The following PIAS2 variants were observed in gnomAD, a reference collection of about 807,000 sequenced individuals.
The protein encoded by PIAS2 is E3 SUMO-protein ligase PIAS2.
Under a neutral mutation model 69.7 loss-of-function variants are expected in PIAS2, and 19 were observed. The observed-to-expected ratio is 0.27, with a 90% CI of 0.19 to 0.40. The LOEUF is 0.40. Among genes scored for constraint, PIAS2 ranks in the 10% least tolerant of loss-of-function variants. The pLI is 1.00. For missense variants in PIAS2, 624 were observed against 757.0 expected (o/e 0.82, Z 2.06); for synonymous variants, 261 against 263.2 (o/e 0.99, Z 0.08).
At chr18:46,873,041 A>T (rs1346068266) in intron 2 of PIAS2, among the ~76,000 whole-genome samples, 1 of 152,206 alleles carries the variant, frequency 6.6e-6, no homozygotes, top group East Asian at 1.9e-4. Context: ...CTTTGTATCA[A>T]AAGTTTTTGA....
At chr18:46,823,193 A>G (rs1310718676) in intron 11 of PIAS2, among the ~76,000 whole-genome samples, 1 of 151,884 alleles carries the variant, frequency 6.6e-6, no homozygotes, top group Non-Finnish European at 1.5e-5. Flanking sequence ...TGAATGCTCC[A>G]CTGCACTCTA....
At chr18:46,919,007 A>ATATATG (rs550181494), upstream of PIAS2, among the ~76,000 whole-genome samples, 73 of 143,310 alleles carry the variant, frequency 5.1e-4, no homozygotes, top group African/African-American at 1.7e-3. Context: ...ATATATATAT[A>ATATATG]TGTGTGTGTG....
chr18:46,860,804 C>T (rs2048540279), intron 3 of PIAS2, among the ~76,000 whole-genome samples: 1 of 152,034 alleles, frequency 6.6e-6, no homozygotes, highest in South Asian at 2.1e-4. Flanking sequence ...CTGTGAGACC[C>T]CATCTCTATA....
intron 12 of PIAS2, 121 bp downstream of exon 12, chr18:46,820,812 A>G: frequency 1.2e-6 from 1 of 802,878 alleles, no homozygotes; most frequent in South Asian, 2.1e-5. Context: ...CTTTACCCGA[A>G]GCTTTCAAAT....
chr18:46,878,817 G>A (rs368674753), intron 2 of PIAS2, among the ~76,000 whole-genome samples: 4 of 152,210 alleles, frequency 2.6e-5, no homozygotes, highest in African/African-American at 9.7e-5. Flanking sequence ...GCAGTGAGCG[G>A]AGATCACACC....
intron 2 of PIAS2, 110 bp downstream of exon 2, chr18:46,890,470 A>T (rs1204393461): frequency 4.3e-6 from 3 of 691,346 alleles, no homozygotes; most frequent in African/African-American, 3.6e-5. Flanking sequence ...AACATTCGGC[A>T]TTGATGCCTC....
chr18:46,863,193 T>A (rs1308832843), intron 3 of PIAS2, among the ~76,000 whole-genome samples: 2 of 152,188 alleles, frequency 1.3e-5, no homozygotes, highest in Admixed American at 1.3e-4. Context: ...TACCTCAGTT[T>A]ATGTTCTTAT....
intron 8 of PIAS2, among the ~76,000 whole-genome samples, chr18:46,840,311 T>C (rs967199239): frequency 6.6e-6 from 1 of 152,202 alleles, no homozygotes; most frequent in Non-Finnish European, 1.5e-5. Flanking sequence ...ATCAGAGCAA[T>C]GACATCATCA....
chr18:46,844,850 A>G lies in PIAS2; in HGVS notation c.862-11T>C. On this transcript the variant is annotated splice_polypyrimidine_tract_variant and intron_variant, in intron 6 of 13. Coordinates refer to ENST00000585916, the MANE Select transcript of PIAS2 (RefSeq NM_004671.5). ...AGACATAGAGTAATTCTACAAACAAACAAAAAAAACCTGCATTAAAGATGA... is the reference window on the plus strand; with the variant it reads ...AGACATAGAGTAATTCTACAAACAAGCAAAAAAAACCTGCATTAAAGATGA... The G allele has an allele frequency of 1.7e-6, 2 of 1,188,100 alleles. No homozygotes were observed. Among genetic ancestry groups the G allele is most frequent in the Non-Finnish European group, 2.3e-6 (2 of 857,304 alleles). The allele number at this position is 1,188,100 out of a possible 1,614,324, so 73.6% of individuals were successfully genotyped here.
chr18:46,916,944 G>C, intron 1 of PIAS2: 1 of 985,572 alleles, frequency 1.0e-6, no homozygotes, highest in Non-Finnish European at 1.2e-6. Context: ...AATAGCCACA[G>C]ACACGTACAC....
intron 2 of PIAS2, among the ~76,000 whole-genome samples, chr18:46,875,939 C>T (rs1024980917): frequency 1.3e-5 from 2 of 152,186 alleles, no homozygotes; most frequent in South Asian, 2.1e-4. Flanking sequence ...CCCTGAAGTT[C>T]GGCACCCTAT....
intron 1 of PIAS2, chr18:46,915,567 G>C (rs2057731064): frequency 1.3e-5 from 2 of 152,106 alleles, no homozygotes; most frequent in Admixed American, 6.5e-5. Flanking sequence ...CAGGAAAAGA[G>C]GATGAAGCTG....
chr18:46,896,364 CA>C (rs545690925), intron 1 of PIAS2, among the ~76,000 whole-genome samples: 33 of 151,722 alleles, frequency 2.2e-4, no homozygotes, highest in Admixed American at 2.0e-3. Flanking sequence ...TAGAAAAATA[CA>C]AATTACTCCA....
rs2040741234 is a variant in PIAS2 at position 46,807,368 on chromosome 18, TATATATA to T, written c.*5058_*5064del. On this transcript the variant is annotated 3_prime_UTR_variant, in exon 14 of 14. Coordinates refer to ENST00000585916, the MANE Select transcript of PIAS2 (RefSeq NM_004671.5). ...ACATGTCAGATTTTATATATATATATATATATATATATATATTTTTTTTTTTTTTTTT... is the reference window on the plus strand; with the variant it reads ...ACATGTCAGATTTTATATATATATATTATATATATTTTTTTTTTTTTTTTT... The T allele has an allele frequency of 3.6e-5, 1 of 27,626 alleles. No homozygotes were observed. The highest frequency in any genetic ancestry group is 2.5e-4 in the African/African-American group (1 of 3,960). 1.7% of individuals were successfully genotyped at this position (27,626 alleles called of 1,614,324 possible).
chr18:46,861,945 T>C (rs1294495858), intron 3 of PIAS2, among the ~76,000 whole-genome samples: 1 of 152,154 alleles, frequency 6.6e-6, no homozygotes, highest in African/African-American at 2.4e-5. Flanking sequence ...CATTGTACTA[T>C]GGTGATATAA....
At chr18:46,841,612 C>A (rs2045397287) in intron 8 of PIAS2, among the ~76,000 whole-genome samples, 1 of 152,070 alleles carries the variant, frequency 6.6e-6, no homozygotes, top group African/African-American at 2.4e-5. Flanking sequence ...GTTTAGCTAC[C>A]CAACTTTATG....
At chr18:46,828,664 A>G (rs1457402517) in intron 10 of PIAS2, among the ~76,000 whole-genome samples, 2 of 152,218 alleles carry the variant, frequency 1.3e-5, no homozygotes, top group South Asian at 2.1e-4. Flanking sequence ...TCATCTTGAT[A>G]AGTTGAAAAA....
rs2041035210 is a variant in PIAS2 at position 46,812,054 on chromosome 18, A to C, written c.*379T>G. On this transcript the variant is annotated 3_prime_UTR_variant, in exon 14 of 14. Coordinates refer to ENST00000585916, the MANE Select transcript of PIAS2 (RefSeq NM_004671.5). ...CTGTCATTCTAGAATCAGTGATTAC[A>C]ATTTTTTTTTTAATTAGAAAAAAGG... 6.4e-6 allele frequency: 1 copy of C among 156,160 alleles called. No homozygotes were observed. The highest frequency in any genetic ancestry group is 1.4e-5 in the Non-Finnish European group (1 of 70,348). The allele number at this position is 156,160 out of a possible 1,614,324, so 9.7% of individuals were successfully genotyped here. A position where few individuals can be genotyped will look rare whatever the true frequency, so the allele number is the denominator to read the frequency against.
At chr18:46,914,199 C>T (rs567820523) in intron 1 of PIAS2, among the ~76,000 whole-genome samples, 6 of 152,142 alleles carry the variant, frequency 3.9e-5, no homozygotes, top group African/African-American at 1.4e-4. Context: ...TTATTGTAAC[C>T]ATCTTTGAGC....
Sources: gnomAD v4.1 joint callset for allele counts (sites outside exome capture counted in the v4.1 genomes callset) on GRCh38, gnomAD v4.1.1 for gene constraint, MANE v1.5 for transcripts, NCBI Gene and HGNC (gene_info 2026-07-23, HGNC 2026-07-21) for gene names.